SAV1: variants seen among roughly 807,000 people sequenced by gnomAD.
The protein encoded by SAV1 is protein salvador homolog 1.
Under a neutral mutation model 47.3 loss-of-function variants are expected in SAV1, and 23 were observed. The observed-to-expected ratio is 0.49, with a 90% CI of 0.35 to 0.69. SAV1 has a LOEUF of 0.69. Among genes scored for constraint, SAV1 ranks in the 30% least tolerant of loss-of-function variants. The pLI is 0.01. For synonymous variants in SAV1, 155 were observed against 159.2 expected (o/e 0.97, Z 0.20); for missense variants, 448 against 457.4 (o/e 0.98, Z 0.19).
chr14:50,663,264 G>A (rs554331553), intron 2 of SAV1: 2 of 152,264 alleles, frequency 1.3e-5, no homozygotes, highest in South Asian at 2.1e-4. Context: ...GAGGATCTCT[G>A]GTGGACAGGT....
intron 2 of SAV1, among the ~76,000 whole-genome samples, chr14:50,657,723 A>G (rs1322420506): frequency 1.3e-5 from 2 of 152,244 alleles, no homozygotes; most frequent in Non-Finnish European, 2.9e-5. Flanking sequence ...TTCACAATTA[A>G]TCCTCAAAAC....
At chr14:50,659,154 C>G (rs1159911619) in intron 2 of SAV1, among the ~76,000 whole-genome samples, 1 of 149,784 alleles carries the variant, frequency 6.7e-6, no homozygotes, top group African/African-American at 2.5e-5. Flanking sequence ...TTCTTTAAAC[C>G]TAACGCAATC....
chr14:50,656,127 C>T (rs2039810521), intron 2 of SAV1, among the ~76,000 whole-genome samples: 2 of 152,168 alleles, frequency 1.3e-5, no homozygotes, highest in Non-Finnish European at 2.9e-5. Flanking sequence ...ACCCATACTT[C>T]CATATATGTA....
intron 4 of SAV1, chr14:50,637,897 A>G (rs1004825094): frequency 6.6e-6 from 1 of 152,166 alleles, no homozygotes; most frequent in Admixed American, 6.5e-5. Flanking sequence ...GGCATAGTGC[A>G]TCACAGCCCA....
chr14:50,638,797 T>C (rs1173783777), intron 4 of SAV1, among the ~76,000 whole-genome samples: 3 of 152,240 alleles, frequency 2.0e-5, no homozygotes, highest in Admixed American at 1.3e-4. Flanking sequence ...AGATGGAGTC[T>C]CGCTCTGTCA....
intron 2 of SAV1, chr14:50,663,267 G>A (rs1295306095): frequency 6.6e-6 from 1 of 152,160 alleles, no homozygotes; most frequent in African/African-American, 2.4e-5. Flanking sequence ...GATCTCTGGT[G>A]GACAGGTACT....
chr14:50,640,182 C>A (rs2039670171), intron 4 of SAV1, among the ~76,000 whole-genome samples: 1 of 152,114 alleles, frequency 6.6e-6, no homozygotes, highest in East Asian at 1.9e-4. Context: ...CAGAGTCCTG[C>A]TATGTTGCTC....
intron 4 of SAV1, 105 bp downstream of exon 4, chr14:50,640,642 ATAT>A: frequency 1.1e-6 from 1 of 930,326 alleles, no homozygotes; most frequent in Non-Finnish European, 1.5e-6. Context: ...TAGAAGCCGA[ATAT>A]TATTAAGAGT....
At chr14:50,636,063 T>G (rs1566738998) in intron 4 of SAV1, among the ~76,000 whole-genome samples, 1 of 152,248 alleles carries the variant, frequency 6.6e-6, no homozygotes, top group Non-Finnish European at 1.5e-5. Flanking sequence ...CATTTCAATT[T>G]AAGTTAAAGA....
chr14:50,636,427 A>G (rs1366320308), intron 4 of SAV1, among the ~76,000 whole-genome samples: 1 of 152,186 alleles, frequency 6.6e-6, no homozygotes, highest in African/African-American at 2.4e-5. Flanking sequence ...AAAAAAACAA[A>G]CAGGAAAACT....
chr14:50,663,490 C>CTT, intron 2 of SAV1, among the ~76,000 whole-genome samples: 1 of 152,300 alleles, frequency 6.6e-6, no homozygotes, highest in Admixed American at 6.5e-5. Context: ...CTAAAAGGTG[C>CTT]TTTTACCCAT....
At chr14:50,662,338 T>A (rs1414940851) in intron 2 of SAV1, among the ~76,000 whole-genome samples, 1 of 152,170 alleles carries the variant, frequency 6.6e-6, no homozygotes, top group Non-Finnish European at 1.5e-5. Context: ...CCGGCTAATT[T>A]TTTTATTTTT....
rs185853737 is a variant in SAV1 at position 50,665,155 on chromosome 14, A to C, written c.535+24T>G. ...GACATGTCAATAAATATAAACTACT[A>C]TATTATTTATAATGTTAAGCTACCT... On this transcript the variant is annotated intron_variant, in intron 2 of 4. Transcript: ENST00000324679. 3.1e-5 allele frequency: 46 copies of C among 1,494,466 alleles called. No individual in the cohort carries two copies. In the African/African-American group the frequency reaches 5.8e-4, roughly 19 times the overall value. The allele number at this position is 1,494,466 out of a possible 1,614,324, so 92.6% of individuals were successfully genotyped here.
chr14:50,649,619 A>G (rs2039750819), intron 2 of SAV1, among the ~76,000 whole-genome samples: 3 of 152,224 alleles, frequency 2.0e-5, no homozygotes, highest in African/African-American at 7.2e-5. Flanking sequence ...CAGCAAATAC[A>G]GATGTATTAT....
intron 2 of SAV1, 109 bp from the exon 3 acceptor site, chr14:50,645,123 T>C (rs1370792625): frequency 1.9e-5 from 17 of 915,478 alleles, no homozygotes; most frequent in Non-Finnish European, 9.6e-6. Flanking sequence ...TACTCTTCTA[T>C]TTAAATTCAT....
At chr14:50,655,845 C>T (rs1484367276) in intron 2 of SAV1, among the ~76,000 whole-genome samples, 3 of 151,804 alleles carry the variant, frequency 2.0e-5, no homozygotes, top group Non-Finnish European at 4.4e-5. Context: ...CAGGAGTTCA[C>T]GACCAGCCTG....
intron 2 of SAV1, among the ~76,000 whole-genome samples, chr14:50,648,819 C>T (rs1467004401): frequency 6.6e-6 from 1 of 152,008 alleles, no homozygotes; most frequent in Non-Finnish European, 1.5e-5. Flanking sequence ...TAACAAATCA[C>T]CCCGAAACTC....
In SAV1 at chr14:50,643,794, TA is replaced by T. The variant is rs148777901; in HGVS notation, c.806+949del. Among the ~76,000 whole-genome samples, 54 of 152,274 alleles carry T rather than the reference TA, an allele frequency of 3.5e-4. No homozygotes were observed. In the East Asian group the frequency reaches 6.9e-3, roughly 20 times the overall value. On this transcript the variant is annotated intron_variant, in intron 3 of 4. Coordinates refer to ENST00000324679, the MANE Select transcript of SAV1 (RefSeq NM_021818.4). ...AGTTGAATTAATAAATCCAAATACATAAAATAATTAAAACAACACAATAATG... is the reference window on the plus strand; with the variant it reads ...AGTTGAATTAATAAATCCAAATACATAAATAATTAAAACAACACAATAATG...
At chr14:50,659,578 G>C (rs746698600) in intron 2 of SAV1, among the ~76,000 whole-genome samples, 10 of 152,230 alleles carry the variant, frequency 6.6e-5, no homozygotes, top group Non-Finnish European at 1.3e-4. Flanking sequence ...ACTGGGTGCT[G>C]CGGCACATGC....
Sources: allele counts gnomAD v4.1 joint callset (sites outside exome capture counted in the v4.1 genomes callset), GRCh38; gene constraint gnomAD v4.1.1; transcripts MANE v1.5; gene names NCBI Gene and HGNC (gene_info 2026-07-23, HGNC 2026-07-21).